Variants in AKT1 observed in about 807,000 individuals in gnomAD.
The protein encoded by AKT1 is AKT serine/threonine kinase 1.
Under a neutral mutation model 63.1 loss-of-function variants are expected in AKT1, and 21 were observed. The ratio of observed to expected loss-of-function variants is 0.33; its 90% CI spans 0.24 to 0.48. The LOEUF is 0.48. AKT1 is among the 20% of genes least tolerant of loss of function. The pLI, the probability that AKT1 is intolerant of heterozygous loss-of-function variation, is 0.99. For synonymous variants in AKT1, 257 were observed against 253.1 expected (o/e 1.02, Z -0.15); for missense variants, 382 against 666.0 (o/e 0.57, Z 4.69).
At chr14:104,777,009 C>T (rs1030894135) in intron 4 of AKT1, 17 of 493,206 alleles carry the variant, frequency 3.4e-5, no homozygotes, top group African/African-American at 5.9e-5. Context: ...TCTGGCCCGG[C>T]GTCAGGTCAA....
intron 3 of AKT1, among the ~76,000 whole-genome samples, chr14:104,783,002 T>G (rs1460986972): frequency 6.6e-6 from 1 of 152,030 alleles, no homozygotes; most frequent in Non-Finnish European, 1.5e-5. Context: ...GCCCCACTAC[T>G]CCCTGATCCA....
chr14:104,783,972 G>C (rs764873396), intron 3 of AKT1, among the ~76,000 whole-genome samples: 1 of 152,244 alleles, frequency 6.6e-6, no homozygotes, highest in Non-Finnish European at 1.5e-5. Context: ...GGGGCCGAGT[G>C]GAGGACGGCA....
chr14:104,770,468 C>T, intron 14 of AKT1, 48 bp from the exon 15 acceptor site: 1 of 1,505,778 alleles, frequency 6.6e-7, no homozygotes, highest in Non-Finnish European at 9.0e-7. Context: ...TCCCTGCCAC[C>T]TCCACCCACC....
rs768384015 is a variant in AKT1, at chr14:104,776,751, C to G, written c.195G>C (p.Thr65=). Residue 65 remains threonine, a synonymous_variant, in exon 5 of 15, where the codon ACG becomes ACC. Transcript: ENST00000649815. ...FSVAQCQLMK[T]ERPRPNTFII... ...TGAAGGTGTTGGGCCGGGGCCGCTC[C>G]GTCTTCATCAGCTGGCACTCTGCGG... The G allele has an allele frequency of 1.8e-5, 29 of 1,613,156 alleles. No individual in the cohort carries two copies. Among genetic ancestry groups the G allele is most frequent in the Non-Finnish European group, 2.5e-5 (29 of 1,179,800 alleles).
rs964432061 is a variant in AKT1, at chr14:104,770,019, G to A, written c.*322C>T. 2.3e-5 allele frequency: 11 copies of A among 468,544 alleles called. No homozygotes were observed. The Admixed American group carries it at 2.6e-4, about 11-fold the overall frequency. 29.0% of individuals were successfully genotyped at this position (468,544 alleles called of 1,614,324 possible). On this transcript the variant is annotated 3_prime_UTR_variant, in exon 15 of 15. Coordinates refer to ENST00000649815, the MANE Select transcript of AKT1 (RefSeq NM_001382430.1). ...GGGGACACATGGGCAGGACCTGCCC[G>A]GCCCCCCAATGCCACATTGCGCATA...
chr14:104,773,537 C>T lies in AKT1; in HGVS notation c.746G>A (p.Arg249Gln), dbSNP rs745809388. 3 of 1,611,798 alleles carry T rather than the reference C, an allele frequency of 1.9e-6. No homozygotes were observed. Among genetic ancestry groups the T allele is most frequent in the South Asian group, 2.2e-5 (2 of 90,668 alleles). ...LSRERVFSED[R>Q]ARFYGAEIVS... ...AATCTCAGCGCCATAGAAGCGGGCCCGGTCCTCGGAGAACACACGCTCCCG... is the reference window on the plus strand; with the variant it reads ...AATCTCAGCGCCATAGAAGCGGGCCTGGTCCTCGGAGAACACACGCTCCCG... Residue 249 changes from arginine (R) to glutamine (Q), a missense_variant, in exon 10 of 15, where the codon CGG becomes CAG. By Grantham distance (43) the Arg-to-Gln change is conservative (BLOSUM62 1). Transcript: ENST00000649815.
In AKT1 at chr14:104,776,655, G is replaced by A. The variant is rs745831501; in HGVS notation, c.287+4C>T. Reference sequence around the variant, plus strand: ...GCCTGGCCTGGCCGCCACAGCCCACGTACCGCTCCTCAGGAGTCTCCACAT... The same window carrying A: ...GCCTGGCCTGGCCGCCACAGCCCACATACCGCTCCTCAGGAGTCTCCACAT... On this transcript the variant is annotated splice_donor_region_variant and intron_variant, in intron 5 of 14. Transcript: ENST00000649815. 20 of 1,612,174 alleles carry A rather than the reference G, an allele frequency of 1.2e-5. No homozygotes were observed. The highest frequency in any genetic ancestry group is 2.2e-5 in the East Asian group (1 of 44,878).
intron 4 of AKT1, chr14:104,777,821 G>A: frequency 3.2e-6 from 2 of 633,912 alleles, no homozygotes; most frequent in Non-Finnish European, 3.9e-6. Context: ...GGGGCCAGGA[G>A]GGGGCTCGGG....
At chr14:104,792,798 A>T (rs1893696200) in intron 2 of AKT1, 76 bp from the exon 3 acceptor site, 1 of 890,504 alleles carries the variant, frequency 1.1e-6, no homozygotes, top group Non-Finnish European at 1.8e-6. Flanking sequence ...TGAGCCAGAG[A>T]CCCACTGCAC....
At chr14:104,777,537 C>G (rs1892800640) in intron 4 of AKT1, 8 of 1,013,216 alleles carry the variant, frequency 7.9e-6, no homozygotes, top group Non-Finnish European at 9.4e-6. Flanking sequence ...ACAGCCACAC[C>G]TGGGGCACAA....
chr14:104,782,517 C>A (rs1440653689), intron 3 of AKT1, among the ~76,000 whole-genome samples: 1 of 152,190 alleles, frequency 6.6e-6, no homozygotes, highest in Non-Finnish European at 1.5e-5. Flanking sequence ...GGAGCTGGAT[C>A]TGGGGGTGCG....
chr14:104,785,743 C>G (rs1309557816), intron 3 of AKT1, among the ~76,000 whole-genome samples: 3 of 152,164 alleles, frequency 2.0e-5, no homozygotes, highest in African/African-American at 7.2e-5. Context: ...TCCTTCCGCT[C>G]CACCATGGAG....
chr14:104,785,181 G>A (rs924863430), intron 3 of AKT1, among the ~76,000 whole-genome samples: 1 of 152,104 alleles, frequency 6.6e-6, no homozygotes, highest in Non-Finnish European at 1.5e-5. Flanking sequence ...CTCCGCTGAC[G>A]GCAGCCCATG....
intron 3 of AKT1, among the ~76,000 whole-genome samples, chr14:104,783,966 C>A (rs1449163402): frequency 1.3e-5 from 2 of 152,198 alleles, no homozygotes; most frequent in African/African-American, 4.8e-5. Context: ...GAGTGGGGGG[C>A]CGAGTGGAGG....
chr14:104,789,279 T>C (rs2140994003), intron 3 of AKT1, among the ~76,000 whole-genome samples: 1 of 152,342 alleles, frequency 6.6e-6, no homozygotes, highest in East Asian at 1.9e-4. Flanking sequence ...CTGACCCACT[T>C]GGTCCAGCCA....
Position 104,772,877 on chromosome 14 carries a change from C to T in AKT1, c.1172+1G>A, listed in dbSNP as rs2140900450. ...CTGTAGCTGGGATGGGCGGCCCTCA[C>T]CTCTGCTTGGGGTCCTTCTTGAGCA... On this transcript the variant is annotated splice_donor_variant, in intron 12 of 14. Transcript: ENST00000649815. LOFTEE classifies it high-confidence loss of function. 1 of 1,607,622 alleles carries T rather than the reference C, an allele frequency of 6.2e-7. No homozygotes were observed. The highest frequency in any genetic ancestry group is 8.5e-7 in the Non-Finnish European group (1 of 1,178,950).
chr14:104,781,938 A>G (rs1442252438), intron 3 of AKT1, among the ~76,000 whole-genome samples: 2 of 152,238 alleles, frequency 1.3e-5, no homozygotes, highest in African/African-American at 4.8e-5. Context: ...CAAGCCCTCC[A>G]TGCCCCTGCC....
intron 1 of AKT1, chr14:104,794,158 AGCAG>A (rs1482030605): frequency 6.6e-6 from 1 of 152,432 alleles, no homozygotes; most frequent in Non-Finnish European, 1.5e-5. Context: ...CAGGATGGAA[AGCAG>A]GCCAGACTCG....
chr14:104,792,673 G>A lies in AKT1; in HGVS notation c.-30C>T, dbSNP rs369911858. 83 of 1,606,264 alleles carry A rather than the reference G, an allele frequency of 5.2e-5. No homozygotes were observed. Among genetic ancestry groups the A allele is most frequent in the East Asian group, 6.7e-5 (3 of 44,888 alleles). ...CCCGAGGCTCCCGCGACGCTCACGC[G>A]CTCCTCTCAGGCTGGCGCTCCCCGA... On this transcript the variant is annotated 5_prime_UTR_variant, in exon 3 of 15. Transcript: ENST00000649815.
Sources: gnomAD v4.1 joint callset for allele counts (sites outside exome capture counted in the v4.1 genomes callset) on GRCh38, gnomAD v4.1.1 for gene constraint, MANE v1.5 for transcripts, NCBI Gene and HGNC (gene_info 2026-07-23, HGNC 2026-07-21) for gene names.